The following MOCS1 variants were observed in gnomAD, a reference collection of about 807,000 sequenced individuals.
MOCS1 encodes the protein molybdenum cofactor synthesis 1.
In MOCS1, 39 loss-of-function variants were observed where a neutral mutation model predicts 57.6. The observed-to-expected ratio is 0.68, with a 90% confidence interval of 0.52 to 0.88. The LOEUF is 0.88. MOCS1 is among the 40% of genes least tolerant of loss of function. MOCS1 has a pLI of 0.00. For synonymous variants in MOCS1, 334 were observed against 335.7 expected (o/e 1.00, Z 0.05); for missense variants, 795 against 831.1 (o/e 0.96, Z 0.53).
intron 8 of MOCS1, among the ~76,000 whole-genome samples, chr6:39,910,763 C>G (rs1038003667): frequency 6.6e-6 from 1 of 152,326 alleles, no homozygotes; most frequent in East Asian, 1.9e-4. Context: ...CAACCAGCCT[C>G]CAGGTTCCCT....
intron 3 of MOCS1, among the ~76,000 whole-genome samples, chr6:39,923,094 G>C (rs1342681872): frequency 6.6e-6 from 1 of 152,164 alleles, no homozygotes; most frequent in African/African-American, 2.4e-5. Flanking sequence ...CACTGGGAGA[G>C]GGGCAAGGGG....
At chr6:39,931,742 C>T (rs1768653482) in intron 1 of MOCS1, among the ~76,000 whole-genome samples, 1 of 152,102 alleles carries the variant, frequency 6.6e-6, no homozygotes, top group South Asian at 2.1e-4. Flanking sequence ...CCCTAGCCAG[C>T]ATTTGTTTTT....
rs189848680 is a variant in MOCS1 at position 39,923,314 on chromosome 6, C to T, written c.418+2364G>A. 4.5e-4 allele frequency among the ~76,000 whole-genome samples: 69 copies of T among 152,338 alleles called. No homozygotes were observed. In the South Asian group the frequency reaches 7.7e-3, roughly 17 times the overall value. On this transcript the variant is annotated intron_variant, in intron 3 of 10. Transcript: ENST00000340692. ...CCACAGCTGAGGAAACTGAGGCCCT[C>T]GGTGGGGAAGGAACCTGCACAAGTT...
In MOCS1 at chr6:39,904,798, T is replaced by C. The variant is rs1355586537; in HGVS notation, c.*1559A>G. 5 of 454,122 alleles carry C rather than the reference T, an allele frequency of 1.1e-5. No homozygotes were observed. Among genetic ancestry groups the C allele is most frequent in the East Asian group, 6.9e-5 (1 of 14,396 alleles). 28.1% of individuals were successfully genotyped at this position (454,122 alleles called of 1,614,324 possible). ...AATGGACATAATCTACAGTGTCCTT[T>C]TTCACTTGCACCTTTTTTATAAGAA... On this transcript the variant is annotated 3_prime_UTR_variant, in exon 11 of 11. Coordinates refer to ENST00000340692, the MANE Select transcript of MOCS1 (RefSeq NM_001358530.2).
chr6:39,922,330 T>C (rs560055512), intron 3 of MOCS1, among the ~76,000 whole-genome samples: 5 of 152,344 alleles, frequency 3.3e-5, no homozygotes, highest in Admixed American at 6.5e-5. Flanking sequence ...ACCTGTGCCC[T>C]AGGGGCTGCA....
At position 39,912,131 on chromosome 6, in the gene MOCS1, T is replaced by C. The variant is rs975116309; in HGVS notation, c.981+133A>G. 1.3e-5 allele frequency: 10 copies of C among 750,580 alleles called. No individual in the cohort carries two copies. The African/African-American group carries it at 1.7e-4, about 13-fold the overall frequency. 46.5% of individuals were successfully genotyped at this position (750,580 alleles called of 1,614,324 possible). On this transcript the variant is annotated intron_variant, in intron 8 of 10. Coordinates refer to ENST00000340692, the MANE Select transcript of MOCS1 (RefSeq NM_001358530.2). ...GCTGCTCCCATCATGCCCCCAAACC[T>C]GACATTATTGCACCAACCACCTCCC...
At chr6:39,928,349 A>G (rs992189506) in intron 1 of MOCS1, among the ~76,000 whole-genome samples, 24 of 152,104 alleles carry the variant, frequency 1.6e-4, no homozygotes, top group Non-Finnish European at 1.2e-4. Flanking sequence ...TATCTTTAGT[A>G]GAGACGGGGT....
At position 39,912,267 on chromosome 6, in the gene MOCS1, G is replaced by A; in HGVS notation, c.978C>T (p.Leu326=). Residue 326 remains leucine, a synonymous_variant, in exon 8 of 11, where the codon CTC becomes CTT. Coordinates refer to ENST00000340692, the MANE Select transcript of MOCS1 (RefSeq NM_001358530.2). ...CTGTGGAGGAGGGGATGCTCACCTT[G>A]AGGTTCCCATCAGCTGTGATTCGCA... ...NRLRITADGN[L]KVCLFGNSEV... is the part of the protein sequence containing the mutation. 1 of 1,609,678 alleles carries A rather than the reference G, an allele frequency of 6.2e-7. No individual in the cohort carries two copies.
rs1297709230 is a variant in MOCS1 at position 39,905,147 on chromosome 6, A to C, written c.*1210T>G. The C allele has an allele frequency of 2.2e-6, 1 of 454,412 alleles. No homozygotes were observed. Among genetic ancestry groups the C allele is most frequent in the Non-Finnish European group, 4.4e-6 (1 of 226,898 alleles). 28.1% of individuals were successfully genotyped at this position (454,412 alleles called of 1,614,324 possible). A position where few individuals can be genotyped will look rare whatever the true frequency, so the allele number is the denominator to read the frequency against. On this transcript the variant is annotated 3_prime_UTR_variant, in exon 11 of 11. Transcript: ENST00000340692. ...AGGGGGCACCACTGAGGACTCAAAG[A>C]CATCCAAGTTAGAGAGCCCAGCAGG...
Position 39,908,722 on chromosome 6 carries a change from C to T in MOCS1, c.1150+333G>A, listed in dbSNP as rs181491903. On this transcript the variant is annotated intron_variant, in intron 10 of 10. Coordinates refer to ENST00000340692, the MANE Select transcript of MOCS1 (RefSeq NM_001358530.2). Reference sequence around the variant, plus strand: ...TTATCCAAATGGGAGATTTTAGAGCCGAGGAAAAGGCCTCTGTTTTAACCA... The same window carrying T: ...TTATCCAAATGGGAGATTTTAGAGCTGAGGAAAAGGCCTCTGTTTTAACCA... Among the ~76,000 whole-genome samples, 15 of 152,142 alleles carry T rather than the reference C, an allele frequency of 9.9e-5. No individual in the cohort carries two copies. In the South Asian group the frequency reaches 1.2e-3, roughly 13 times the overall value.
Position 39,905,716 on chromosome 6 carries a change from AGAG to A in MOCS1, c.*638_*640del. The A allele has an allele frequency of 2.1e-6, 1 of 471,142 alleles. No individual in the cohort carries two copies. The highest frequency in any genetic ancestry group is 1.5e-5 in the South Asian group (1 of 64,554). The allele number at this position is 471,142 out of a possible 1,614,324, so 29.2% of individuals were successfully genotyped here. Reference sequence around the variant, plus strand: ...CCATGTGTGCACATCCTGTTTCAGAAGAGGGGGGCCAGAGGAAAAGGGGCCAGC... The same window carrying A: ...CCATGTGTGCACATCCTGTTTCAGAAGGGGGCCAGAGGAAAAGGGGCCAGC... On this transcript the variant is annotated 3_prime_UTR_variant, in exon 11 of 11. Transcript: ENST00000340692.
At chr6:39,927,201 G>A (rs779354347) in intron 2 of MOCS1, 128 bp downstream of exon 2, 111 of 1,212,910 alleles carry the variant, frequency 9.2e-5, no homozygotes, top group Non-Finnish European at 1.2e-4. Context: ...GGTAAGCAAG[G>A]GGTAGCAGGT....
chr6:39,909,450 A>G (rs1272540573), intron 9 of MOCS1, among the ~76,000 whole-genome samples: 1 of 152,060 alleles, frequency 6.6e-6, no homozygotes, highest in Non-Finnish European at 1.5e-5. Context: ...AGGCCCCCAC[A>G]TGTGCACTGC....
intron 1 of MOCS1, chr6:39,927,737 A>G: frequency 5.9e-6 from 9 of 1,520,032 alleles, no homozygotes; most frequent in Non-Finnish European, 6.1e-6. Flanking sequence ...GGTGGAGGCA[A>G]GGGTGTGGGG....
chr6:39,929,962 A>AAAAAAAAG (rs1554192264), intron 1 of MOCS1, among the ~76,000 whole-genome samples: 1 of 136,536 alleles, frequency 7.3e-6, no homozygotes, highest in African/African-American at 2.6e-5. Flanking sequence ...AAAAAAAAAA[A>AAAAAAAAG]TGGAATTTGG....
In MOCS1 at chr6:39,913,395, C is replaced by T. The variant is rs1285479563; in HGVS notation, c.679G>A (p.Asp227Asn). The T allele has an allele frequency of 1.9e-6, 3 of 1,614,256 alleles. No individual in the cohort carries two copies. The highest frequency in any genetic ancestry group is 3.3e-5 in the Admixed American group (2 of 60,034). ...AAGGCCGCAAAGTCCAGGAGTTCAT[C>T]CTCGTTAAGGCCTCGCATCACCACA... Reference protein sequence around the residue: ...NCVVMRGLNEDELLDFAALTE... With the variant: ...NCVVMRGLNENELLDFAALTE... Residue 227 changes from aspartate to asparagine, a missense_variant, in exon 6 of 11, where the codon GAT becomes AAT. Transcript: ENST00000340692.
In MOCS1 at chr6:39,905,001, CATACTG is replaced by C; in HGVS notation, c.*1350_*1355del. The C allele has an allele frequency of 1.1e-5, 5 of 453,208 alleles. No homozygotes were observed. Among genetic ancestry groups the C allele is most frequent in the Non-Finnish European group, 2.2e-5 (5 of 226,760 alleles). 28.1% of individuals were successfully genotyped at this position (453,208 alleles called of 1,614,324 possible). On this transcript the variant is annotated 3_prime_UTR_variant, in exon 11 of 11. Coordinates refer to ENST00000340692, the MANE Select transcript of MOCS1 (RefSeq NM_001358530.2). The stretch of plus-strand genomic sequence containing the variant: ...TTCAGAAATTTTGCAAGCCATTTGA[CATACTG>C]GTAGCTTGAAATTATTCAACATGGG...
At chr6:39,922,690 G>C (rs1341167770) in intron 3 of MOCS1, among the ~76,000 whole-genome samples, 1 of 152,192 alleles carries the variant, frequency 6.6e-6, no homozygotes, top group Non-Finnish European at 1.5e-5. Context: ...AGAGAGAGCT[G>C]AGGGGCCCAA....
chr6:39,913,939 C>T (rs977655889), intron 4 of MOCS1, 104 bp from the exon 5 acceptor site: 15 of 1,199,094 alleles, frequency 1.3e-5, no homozygotes, highest in Admixed American at 3.8e-5. Context: ...GATTGGCAAA[C>T]GTTTTCTAAA....
Sources: gnomAD v4.1 joint callset for allele counts (sites outside exome capture counted in the v4.1 genomes callset) on GRCh38, gnomAD v4.1.1 for gene constraint, MANE v1.5 for transcripts, NCBI Gene and HGNC (gene_info 2026-07-23, HGNC 2026-07-21) for gene names.